The following WBP1L variants were observed in gnomAD, a reference collection of about 807,000 sequenced individuals.
The protein encoded by WBP1L is WW domain binding protein 1-like.
WBP1L carries 17 observed loss-of-function variants against 33.7 expected under a neutral mutation model. The observed-to-expected ratio is 0.50, with a 90% CI of 0.34 to 0.76. The LOEUF (loss-of-function observed/expected upper bound fraction) is 0.76. Among genes scored for constraint, WBP1L ranks in the 30% least tolerant of loss-of-function variants. WBP1L has a pLI of 0.01. For synonymous variants in WBP1L, 173 were observed against 190.8 expected (o/e 0.91, Z 0.77); for missense variants, 389 against 469.4 (o/e 0.83, Z 1.58).
chr10:102,796,925 C>T (rs1440695521), intron 1 of WBP1L, among the ~76,000 whole-genome samples: 1 of 152,084 alleles, frequency 6.6e-6, no homozygotes, highest in Non-Finnish European at 1.5e-5. Flanking sequence ...TTAAAGTTCC[C>T]CTCCATCCTC....
chr10:102,796,741 AAGAC>A (rs1843578151), intron 1 of WBP1L, among the ~76,000 whole-genome samples: 1 of 152,150 alleles, frequency 6.6e-6, no homozygotes. Flanking sequence ...GCTTGGCACA[AAGAC>A]AGCGTCCAGT....
intron 1 of WBP1L, among the ~76,000 whole-genome samples, chr10:102,762,544 T>G (rs1309434308): frequency 2.0e-5 from 3 of 152,198 alleles, no homozygotes; most frequent in Non-Finnish European, 4.4e-5. Flanking sequence ...AGTAGTGGCG[T>G]TTTAACCATA....
intron 1 of WBP1L, among the ~76,000 whole-genome samples, chr10:102,754,981 G>A (rs1000109449): frequency 2.7e-4 from 41 of 150,888 alleles, no homozygotes; most frequent in Non-Finnish European, 2.4e-4. Flanking sequence ...ATGAAGTCTC[G>A]CTCTGTCGCC....
intron 1 of WBP1L, among the ~76,000 whole-genome samples, chr10:102,792,825 C>G (rs1196283799): frequency 6.6e-6 from 1 of 152,014 alleles, no homozygotes; most frequent in Admixed American, 6.6e-5. Flanking sequence ...AAACTCCTGA[C>G]CTCAAGTGAT....
chr10:102,799,645 C>G (rs990397933), intron 2 of WBP1L, among the ~76,000 whole-genome samples: 1 of 152,066 alleles, frequency 6.6e-6, no homozygotes, highest in Non-Finnish European at 1.5e-5. Flanking sequence ...GGCGGTTTCC[C>G]CAGATGATTC....
intron 1 of WBP1L, among the ~76,000 whole-genome samples, chr10:102,756,487 G>A (rs184168671): frequency 1.4e-4 from 22 of 152,056 alleles, no homozygotes; most frequent in Non-Finnish European, 2.6e-4. Context: ...TTAATATACT[G>A]TGGACTAATT....
At chr10:102,785,864 C>G (rs990113980) in intron 1 of WBP1L, among the ~76,000 whole-genome samples, 2 of 152,152 alleles carry the variant, frequency 1.3e-5, no homozygotes, top group Non-Finnish European at 2.9e-5. Flanking sequence ...TCTAAGTGTC[C>G]AGGGGTGAAA....
chr10:102,744,175 G>T, intron 1 of WBP1L, 32 bp downstream of exon 1: 1 of 1,528,156 alleles, frequency 6.5e-7, no homozygotes, highest in African/African-American at 1.4e-5. Context: ...GGCCATGTTG[G>T]GTCCTGGGGG....
intron 1 of WBP1L, among the ~76,000 whole-genome samples, chr10:102,772,526 G>T (rs1169334283): frequency 3.5e-5 from 5 of 141,016 alleles, no homozygotes; most frequent in Non-Finnish European, 7.6e-5. Flanking sequence ...CTCCCAAAGT[G>T]CTGGGATTAC....
chr10:102,761,134 T>TTTTTC (rs1181424830), intron 1 of WBP1L, among the ~76,000 whole-genome samples: 1 of 149,930 alleles, frequency 6.7e-6, no homozygotes, highest in African/African-American at 2.5e-5. Flanking sequence ...TTTTTTTTTT[T>TTTTTC]TTTTCTTTTC....
intron 3 of WBP1L, 84 bp from the exon 4 acceptor site, chr10:102,812,511 A>G (rs1243400716): frequency 6.9e-6 from 10 of 1,445,028 alleles, no homozygotes; most frequent in Middle Eastern, 1.8e-4. Flanking sequence ...GGAAGAGACA[A>G]TGCAAATATT....
In WBP1L at chr10:102,798,147, T is replaced by C. The variant is rs773087704; in HGVS notation, c.193+52T>C. On this transcript the variant is annotated intron_variant, in intron 2 of 3. Transcript: ENST00000448841. ...GTATCCCAGGGTCCCAGTTACTGCC[T>C]CTGCTTAGTGGGAAACTCTGGGCAT... 147 of 1,502,524 alleles carry C rather than the reference T, an allele frequency of 9.8e-5. No homozygotes were observed. In the Admixed American group the frequency reaches 2.4e-3, roughly 25 times the overall value. 93.1% of individuals were successfully genotyped at this position (1,502,524 alleles called of 1,614,324 possible).
chr10:102,779,271 A>C (rs61870778), intron 1 of WBP1L, among the ~76,000 whole-genome samples: 25 of 150,404 alleles, frequency 1.7e-4, no homozygotes, highest in African/African-American at 6.1e-4. Flanking sequence ...GCACTCCAGC[A>C]TGGGCGACAA....
intron 2 of WBP1L, among the ~76,000 whole-genome samples, chr10:102,806,249 G>T (rs1843733556): frequency 6.8e-6 from 1 of 146,054 alleles, no homozygotes; most frequent in Non-Finnish European, 1.5e-5. Flanking sequence ...AAAAAAAAAA[G>T]TTATAAAGTA....
chr10:102,768,139 C>T (rs566001024), intron 1 of WBP1L, among the ~76,000 whole-genome samples: 2 of 152,258 alleles, frequency 1.3e-5, no homozygotes, highest in East Asian at 1.9e-4. Context: ...GGCATGATCT[C>T]GGCTCACTGC....
Position 102,776,204 on chromosome 10 carries a change from C to T in WBP1L, c.91-21789C>T, listed in dbSNP as rs1843259384. ...GGCCAGAGCCAGGCAGGGGGAGTAG[C>T]GAGGAGAGCAGGAGACAGTGTGCCT... On this transcript the variant is annotated intron_variant, in intron 1 of 3. Coordinates refer to ENST00000448841, the MANE Select transcript of WBP1L (RefSeq NM_001083913.2). 6 of 1,478,276 alleles carry T rather than the reference C, an allele frequency of 4.1e-6. No homozygotes were observed. In the African/African-American group the frequency reaches 4.2e-5, roughly 10 times the overall value. 91.6% of individuals were successfully genotyped at this position (1,478,276 alleles called of 1,614,324 possible). A position where few individuals can be genotyped will look rare whatever the true frequency, so the allele number is the denominator to read the frequency against.
chr10:102,776,413 G>C, intron 1 of WBP1L: 1 of 1,614,170 alleles, frequency 6.2e-7, no homozygotes, highest in Non-Finnish European at 8.5e-7. Flanking sequence ...TTGGGTCTTA[G>C]ACAGGTAATT....
At chr10:102,772,925 C>T (rs1590175416) in intron 1 of WBP1L, among the ~76,000 whole-genome samples, 1 of 138,944 alleles carries the variant, frequency 7.2e-6, no homozygotes, top group African/African-American at 2.7e-5. Context: ...GTATGACTTC[C>T]TTTTTTTTTT....
intron 1 of WBP1L, among the ~76,000 whole-genome samples, chr10:102,778,338 C>T (rs919211415): frequency 5.3e-5 from 8 of 152,282 alleles, no homozygotes; most frequent in East Asian, 1.9e-4. Flanking sequence ...TGTGCAGTGA[C>T]GTACAGCTGG....
Sources: allele counts gnomAD v4.1 joint callset (sites outside exome capture counted in the v4.1 genomes callset), GRCh38; gene constraint gnomAD v4.1.1; transcripts MANE v1.5; gene names NCBI Gene and HGNC (gene_info 2026-07-23, HGNC 2026-07-21).